The following PHACTR1 variants were observed in gnomAD, a reference collection of about 807,000 sequenced individuals.
PHACTR1 encodes the protein phosphatase and actin regulator 1, also known as RPEL repeat containing 1.
In PHACTR1, 16 loss-of-function variants were observed where a neutral mutation model predicts 69.2. The ratio of observed to expected loss-of-function variants is 0.23; its 90% CI spans 0.16 to 0.35. The LOEUF (loss-of-function observed/expected upper bound fraction) is 0.35. PHACTR1 is among the 10% of genes least tolerant of loss of function. The pLI, the probability that PHACTR1 is intolerant of heterozygous loss-of-function variation, is 1.00. For missense variants in PHACTR1, 510 were observed against 734.7 expected (o/e 0.69, Z 3.54); for synonymous variants, 312 against 284.5 (o/e 1.10, Z -0.97).
rs182267211 is a variant in PHACTR1 at position 12,886,623 on chromosome 6, G to C, written c.250+136833G>C. ...TGTCACATCTGCTATTCCCACATCA[G>C]TGCATGGTTGGGGAAGAAAAGGAAA... On this transcript the variant is annotated intron_variant, in intron 4 of 14. Transcript: ENST00000332995. Among the ~76,000 whole-genome samples, 41 of 152,268 alleles carry C rather than the reference G, an allele frequency of 2.7e-4. No homozygotes were observed. The East Asian group carries it at 7.5e-3, about 28-fold the overall frequency.
At chr6:13,034,414 A>G (rs903356116) in intron 4 of PHACTR1, among the ~76,000 whole-genome samples, 8 of 152,128 alleles carry the variant, frequency 5.3e-5, no homozygotes, top group Admixed American at 6.5e-5. Flanking sequence ...TGTTGGAGAA[A>G]CCTTTTGTTA....
intron 10 of PHACTR1, among the ~76,000 whole-genome samples, chr6:13,247,747 G>T (rs73357179): frequency 1.3e-5 from 2 of 152,156 alleles, no homozygotes; most frequent in African/African-American, 4.8e-5. Flanking sequence ...CCAGCTGCTC[G>T]GGAGACTGAA....
Position 12,898,715 on chromosome 6 carries a change from TTC to T in PHACTR1, c.250+148933_250+148934del, listed in dbSNP as rs1334350361. On this transcript the variant is annotated intron_variant, in intron 4 of 14. Coordinates refer to ENST00000332995, the MANE Select transcript of PHACTR1 (RefSeq NM_030948.6). ...TCTCGTGCTGCAGGCAGAACACTCT[TTC>T]TCTCTCTGTCGGCCGCAATCTGTCC... Among the ~76,000 whole-genome samples, 3 of 152,312 alleles carry T rather than the reference TTC, an allele frequency of 2.0e-5. No individual in the cohort carries two copies. The South Asian group carries it at 6.2e-4, about 32-fold the overall frequency.
intron 4 of PHACTR1, among the ~76,000 whole-genome samples, chr6:12,991,269 G>A (rs1796789233): frequency 6.6e-6 from 1 of 152,134 alleles, no homozygotes; most frequent in Admixed American, 6.5e-5. Flanking sequence ...CTGACCCAGG[G>A]TGACACAAAT....
intron 4 of PHACTR1, among the ~76,000 whole-genome samples, chr6:12,783,498 G>A (rs558995580): frequency 3.3e-5 from 5 of 152,200 alleles, no homozygotes; most frequent in Admixed American, 3.3e-4. Context: ...CAATGTTTAG[G>A]TGACAAGGGC....
intron 4 of PHACTR1, among the ~76,000 whole-genome samples, chr6:13,011,589 G>A (rs1799454676): frequency 6.6e-6 from 1 of 152,186 alleles, no homozygotes; most frequent in African/African-American, 2.4e-5. Context: ...AACATACAGA[G>A]CCCTTTAGTA....
intron 10 of PHACTR1, among the ~76,000 whole-genome samples, chr6:13,255,536 A>G (rs943001764): frequency 6.6e-6 from 1 of 152,234 alleles, no homozygotes; most frequent in Non-Finnish European, 1.5e-5. Flanking sequence ...CCTTCTGCCT[A>G]TGAACCTGTA....
chr6:12,729,389 T>C (rs976329693), intron 3 of PHACTR1, among the ~76,000 whole-genome samples: 1 of 152,182 alleles, frequency 6.6e-6, no homozygotes, highest in Non-Finnish European at 1.5e-5. Context: ...CAAGGTGAGA[T>C]GACAATTCAC....
chr6:13,181,335 T>C (rs993092998), intron 6 of PHACTR1, among the ~76,000 whole-genome samples: 2 of 152,230 alleles, frequency 1.3e-5, no homozygotes, highest in African/African-American at 4.8e-5. Context: ...CTGTTTCTTT[T>C]CTACGAGTTG....
chr6:13,242,583 C>T (rs1307149763), intron 10 of PHACTR1, among the ~76,000 whole-genome samples: 1 of 152,082 alleles, frequency 6.6e-6, no homozygotes. Flanking sequence ...TGCCCATGGT[C>T]TATATCAATG....
chr6:13,273,139 C>G (rs1778130564), intron 11 of PHACTR1: 2 of 561,452 alleles, frequency 3.6e-6, no homozygotes, highest in South Asian at 5.5e-5. Context: ...GGGCGGCAGG[C>G]AGAACCTTCC....
intron 4 of PHACTR1, among the ~76,000 whole-genome samples, chr6:12,915,752 T>C (rs1470121389): frequency 2.0e-5 from 3 of 152,110 alleles, no homozygotes; most frequent in African/African-American, 7.2e-5. Context: ...GCTAACAACT[T>C]AGCAGATAAA....
At chr6:12,828,815 G>T (rs988237620) in intron 4 of PHACTR1, among the ~76,000 whole-genome samples, 1 of 152,142 alleles carries the variant, frequency 6.6e-6, no homozygotes, top group Non-Finnish European at 1.5e-5. Flanking sequence ...TAGAGGCTAG[G>T]AAGTGGGGTG....
chr6:12,780,609 C>T (rs1284713919), intron 4 of PHACTR1, among the ~76,000 whole-genome samples: 1 of 152,202 alleles, frequency 6.6e-6, no homozygotes, highest in Non-Finnish European at 1.5e-5. Context: ...TAATACCTCT[C>T]TCATTTGCAT....
At chr6:12,965,451 C>CATTTTTTTT (rs60864787) in intron 4 of PHACTR1, among the ~76,000 whole-genome samples, 2 of 131,966 alleles carry the variant, frequency 1.5e-5, no homozygotes, top group Non-Finnish European at 1.6e-5. Context: ...TATTTTGTGC[C>CATTTTTTTT]TTTTTTTTTT....
chr6:13,050,756 A>T (rs181572541), intron 4 of PHACTR1, among the ~76,000 whole-genome samples: 81 of 152,358 alleles, frequency 5.3e-4, no homozygotes, highest in Non-Finnish European at 1.0e-3. Flanking sequence ...TTGAGCTGCC[A>T]TCCTATTCTG....
intron 4 of PHACTR1, among the ~76,000 whole-genome samples, chr6:12,887,496 T>C (rs958931561): frequency 4.6e-5 from 7 of 152,192 alleles, no homozygotes; most frequent in African/African-American, 1.4e-4. Flanking sequence ...TCACTGACCC[T>C]TATCATCTAG....
At chr6:13,064,555 T>G (rs1256639899) in intron 5 of PHACTR1, among the ~76,000 whole-genome samples, 68 of 1,348 alleles carry the variant, frequency 0.05, no homozygotes, top group African/African-American at 0.13. Flanking sequence ...AAGATATATA[T>G]ATATATATAT....
chr6:13,248,916 AG>A (rs897637170), intron 10 of PHACTR1, among the ~76,000 whole-genome samples: 21 of 152,360 alleles, frequency 1.4e-4, no homozygotes, highest in African/African-American at 5.1e-4. Flanking sequence ...AACTAAGCAA[AG>A]CCAATGCATA....
Sources: allele counts gnomAD v4.1 joint callset (sites outside exome capture counted in the v4.1 genomes callset), GRCh38; gene constraint gnomAD v4.1.1; transcripts MANE v1.5; gene names NCBI Gene and HGNC (gene_info 2026-07-23, HGNC 2026-07-21).